Variants in ADAMTS18 observed in about 807,000 individuals in gnomAD.
ADAMTS18 encodes the protein A disintegrin and metalloproteinase with thrombospondin motifs 18.
A neutral mutation model predicts 165.9 loss-of-function variants in ADAMTS18; 157 were observed. The observed-to-expected ratio is 0.95, with a 90% CI of 0.83 to 1.08. ADAMTS18 has a LOEUF of 1.08. Among genes scored for constraint, ADAMTS18 ranks in the 50% least tolerant of loss-of-function variants. The probability of loss-of-function intolerance (pLI) is 0.00; values close to 1 mark genes in which losing one functional copy is unlikely to be tolerated. For synonymous variants in ADAMTS18, 782 were observed against 578.2 expected, an observed-to-expected ratio of 1.35 and a Z score of -5.06; for missense variants, 2,040 against 1,534.0, an observed-to-expected ratio of 1.33 and a Z score of -5.51.
intron 12 of ADAMTS18, among the ~76,000 whole-genome samples, 196 bp downstream of exon 12, chr16:77,335,560 A>G (rs940696932): frequency 6.6e-6 from 1 of 152,202 alleles, no homozygotes. Flanking sequence ...TGGATACCTC[A>G]TTATGCTGAT....
At chr16:77,422,073 T>C (rs2057609911) in intron 3 of ADAMTS18, among the ~76,000 whole-genome samples, 1 of 151,930 alleles carries the variant, frequency 6.6e-6, no homozygotes, top group Non-Finnish European at 1.5e-5. Flanking sequence ...TCATGAAGAG[T>C]GTCCAGCCAA....
At chr16:77,416,026 A>C (rs1362266707) in intron 3 of ADAMTS18, among the ~76,000 whole-genome samples, 1 of 152,184 alleles carries the variant, frequency 6.6e-6, no homozygotes, top group Non-Finnish European at 1.5e-5. Context: ...TGGAAGGCAG[A>C]ATATGCTAGG....
At chr16:77,326,869 C>T (rs1237019497) in intron 12 of ADAMTS18, among the ~76,000 whole-genome samples, 1 of 152,170 alleles carries the variant, frequency 6.6e-6, no homozygotes, top group Non-Finnish European at 1.5e-5. Context: ...CCTCTTCCTC[C>T]TCCAACCCTC....
chr16:77,361,078 C>T (rs1324531520), intron 7 of ADAMTS18, among the ~76,000 whole-genome samples: 2 of 141,232 alleles, frequency 1.4e-5, no homozygotes, highest in Non-Finnish European at 3.1e-5. Flanking sequence ...AAGAACAAGA[C>T]ACCATCTCAA....
At position 77,294,827 on chromosome 16, in the gene ADAMTS18, A is replaced by G. The variant is rs1013471150; in HGVS notation, c.3006+96T>C. On this transcript the variant is annotated intron_variant, in intron 19 of 22. Coordinates refer to ENST00000282849, the MANE Select transcript of ADAMTS18 (RefSeq NM_199355.4). Reference sequence around the variant, plus strand: ...TGAACTCAGGGTGATTTCCATGAACATGTAAACTGCCAAGAGCCCAGTGGA... The same window carrying G: ...TGAACTCAGGGTGATTTCCATGAACGTGTAAACTGCCAAGAGCCCAGTGGA... 6 of 1,177,436 alleles carry G rather than the reference A, an allele frequency of 5.1e-6. No homozygotes were observed. The African/African-American group carries it at 6.0e-5, about 12-fold the overall frequency. The allele number at this position is 1,177,436 out of a possible 1,614,324, so 72.9% of individuals were successfully genotyped here.
At chr16:77,429,290 G>A (rs1165392684) in intron 3 of ADAMTS18, among the ~76,000 whole-genome samples, 4 of 152,196 alleles carry the variant, frequency 2.6e-5, no homozygotes, top group Non-Finnish European at 2.9e-5. Context: ...TTGCAGGAAC[G>A]TGGATGGAGA....
At chr16:77,423,608 T>C (rs16945677) in intron 3 of ADAMTS18, among the ~76,000 whole-genome samples, 3,198 of 152,234 alleles carry the variant, frequency 0.021, 111 homozygotes, top group African/African-American at 0.073. Flanking sequence ...CTGTGTTACG[T>C]AGCTAGCAAA....
intron 11 of ADAMTS18, among the ~76,000 whole-genome samples, chr16:77,340,135 T>C (rs924958517): frequency 2.0e-5 from 3 of 152,184 alleles, no homozygotes; most frequent in African/African-American, 7.2e-5. Context: ...AATTAGTTAT[T>C]TCCTTCTGTA....
intron 12 of ADAMTS18, among the ~76,000 whole-genome samples, chr16:77,334,757 AGTATACAG>A (rs2056271027): frequency 9.5e-6 from 1 of 105,742 alleles, no homozygotes; most frequent in Non-Finnish European, 1.8e-5. Context: ...TGTATACTAT[AGTATACAG>A]TATATATACT....
At chr16:77,293,753 G>A (rs1473872247) in intron 19 of ADAMTS18, among the ~76,000 whole-genome samples, 3 of 148,870 alleles carry the variant, frequency 2.0e-5, no homozygotes, top group African/African-American at 5.0e-5. Context: ...ATTCTCATAA[G>A]TAACATGCAT....
intron 7 of ADAMTS18, among the ~76,000 whole-genome samples, chr16:77,360,894 C>A (rs977567715): frequency 6.6e-6 from 1 of 152,034 alleles, no homozygotes; most frequent in African/African-American, 2.4e-5. Context: ...CGAGACCAGC[C>A]TGGCCAACAT....
At chr16:77,388,988 G>A (rs1270548445) in intron 3 of ADAMTS18, among the ~76,000 whole-genome samples, 1 of 152,166 alleles carries the variant, frequency 6.6e-6, no homozygotes, top group Non-Finnish European at 1.5e-5. Flanking sequence ...AATCACTGAT[G>A]TGATTAAGTA....
At chr16:77,293,005 G>A (rs1451657447) in intron 20 of ADAMTS18, 71 bp downstream of exon 20, 1 of 1,594,684 alleles carries the variant, frequency 6.3e-7, no homozygotes. Flanking sequence ...ATTTTTAGTA[G>A]AGACAGGGTT....
At chr16:77,425,226 G>C (rs1326208357) in intron 3 of ADAMTS18, among the ~76,000 whole-genome samples, 1 of 152,186 alleles carries the variant, frequency 6.6e-6, no homozygotes, top group Non-Finnish European at 1.5e-5. Flanking sequence ...GCCAGCCATG[G>C]GGGAGAAACG....
intron 3 of ADAMTS18, among the ~76,000 whole-genome samples, chr16:77,418,112 G>T (rs2057553842): frequency 6.6e-6 from 1 of 152,100 alleles, no homozygotes; most frequent in African/African-American, 2.4e-5. Context: ...GTCATGCTGT[G>T]AAATTCAAAA....
intron 4 of ADAMTS18, among the ~76,000 whole-genome samples, chr16:77,365,491 GTTA>G (rs1472350893): frequency 6.6e-6 from 1 of 152,318 alleles, no homozygotes; most frequent in East Asian, 1.9e-4. Context: ...CAATGACTTA[GTTA>G]TTAGGGAAAC....
intron 3 of ADAMTS18, among the ~76,000 whole-genome samples, chr16:77,415,546 C>T (rs1036323508): frequency 2.0e-5 from 3 of 151,994 alleles, no homozygotes; most frequent in African/African-American, 7.3e-5. Flanking sequence ...GATCTTGTTG[C>T]CTGTTTATTT....
intron 7 of ADAMTS18, among the ~76,000 whole-genome samples, chr16:77,360,856 G>A (rs1013692721): frequency 5.3e-5 from 8 of 152,168 alleles, no homozygotes; most frequent in Non-Finnish European, 1.2e-4. Flanking sequence ...GGAGGCTGAG[G>A]TGGGTGGATC....
chr16:77,351,032 G>A (rs898505211), intron 10 of ADAMTS18, among the ~76,000 whole-genome samples: 4 of 152,134 alleles, frequency 2.6e-5, no homozygotes, highest in Admixed American at 1.3e-4. Context: ...TTGCCAGAGC[G>A]GGTCTAAACT....
Sources: gnomAD v4.1 joint callset for allele counts (sites outside exome capture counted in the v4.1 genomes callset) on GRCh38, gnomAD v4.1.1 for gene constraint, MANE v1.5 for transcripts, NCBI Gene and HGNC (gene_info 2026-07-23, HGNC 2026-07-21) for gene names.